Variants in GOLGA8A observed in about 807,000 individuals in gnomAD.
The protein encoded by GOLGA8A is golgin subfamily A member 8A.
GOLGA8A carries 3 observed loss-of-function variants against 22.1 expected under a neutral mutation model. The ratio of observed to expected loss-of-function variants is 0.14; its 90% CI spans 0.06 to 0.35. The LOEUF is 0.35. Ranked by LOEUF, GOLGA8A falls within the 10% of genes least tolerant of loss-of-function variation. The pLI is 1.00. For synonymous variants in GOLGA8A, 7 were observed against 91.7 expected, an observed-to-expected ratio of 0.08 and a Z score of 5.28; for missense variants, 16 against 233.2, an observed-to-expected ratio of 0.07 and a Z score of 6.07.
In GOLGA8A at chr15:34,427,386, A is replaced by G. The variant is rs556303744; in HGVS notation, c.-1123+7997T>C. On this transcript the variant is annotated intron_variant, in intron 2 of 24. Transcript: ENST00000359187. Reference sequence around the variant, plus strand: ...AAGTTCCCAAGGAATTTGCTTCCACACATAGAAAATAATCGAGTCCGTTTT... The same window carrying G: ...AAGTTCCCAAGGAATTTGCTTCCACGCATAGAAAATAATCGAGTCCGTTTT... 1.8e-3 allele frequency among the ~76,000 whole-genome samples: 269 copies of G among 147,976 alleles called. 19 individuals carry two copies. Among genetic ancestry groups the G allele is most frequent in the African/African-American group, 6.3e-3 (253 of 40,080 alleles).
At chr15:34,432,179 T>G (rs1967143) in intron 2 of GOLGA8A, among the ~76,000 whole-genome samples, 13,967 of 148,958 alleles carry the variant, frequency 0.094, 1,724 homozygotes, top group South Asian at 0.25. Flanking sequence ...CCTGGAGGGC[T>G]AGCTCCCAGA....
chr15:34,436,118 G>A (rs1663408789), intron 1 of GOLGA8A, among the ~76,000 whole-genome samples: 2 of 148,796 alleles, frequency 1.3e-5, no homozygotes, highest in Admixed American at 1.4e-4. Flanking sequence ...TGGGAGGGGA[G>A]AAACCCCTGC....
intron 2 of GOLGA8A, among the ~76,000 whole-genome samples, chr15:34,428,196 C>T (rs1217186218): frequency 9.5e-5 from 14 of 146,982 alleles, no homozygotes; most frequent in South Asian, 2.3e-4. Flanking sequence ...TGGGCTTAAG[C>T]GATCCTCCCA....
chr15:34,400,791 C>T (rs1428943592), intron 5 of GOLGA8A, 32 bp from the exon 6 acceptor site: 8 of 145,496 alleles, frequency 5.5e-5, no homozygotes, highest in Non-Finnish European at 1.2e-4. Context: ...AAAATACTGA[C>T]ATTAGGGTCA....
chr15:34,428,148 C>A (rs1893065683), intron 2 of GOLGA8A, among the ~76,000 whole-genome samples: 1 of 145,316 alleles, frequency 6.9e-6, no homozygotes, highest in Non-Finnish European at 1.5e-5. Context: ...CAGGGGAGGG[C>A]AGTGACACCC....
At chr15:34,433,446 A>C (rs1241426853) in intron 2 of GOLGA8A, among the ~76,000 whole-genome samples, 1 of 149,364 alleles carries the variant, frequency 6.7e-6, no homozygotes, top group Non-Finnish European at 1.5e-5. Flanking sequence ...GTGCACAGTA[A>C]GAAAGCTCAT....
In GOLGA8A at chr15:34,437,474, CCG is replaced by C. The variant is rs1893597824; in HGVS notation, c.-1290_-1289del. 8.5e-6 allele frequency: 1 copy of C among 117,968 alleles called. No individual in the cohort carries two copies. Among genetic ancestry groups the C allele is most frequent in the Non-Finnish European group, 1.8e-5 (1 of 54,668 alleles). The allele number at this position is 117,968 out of a possible 1,614,324, so 7.3% of individuals were successfully genotyped here. On this transcript the variant is annotated 5_prime_UTR_variant, in exon 1 of 25. Transcript: ENST00000359187. ...CGTCCTCGCCGCGCCGCCGTCCTCG[CCG>C]CGCCGCCGTCCTCGCCGCGCCGCCG...
In GOLGA8A at chr15:34,437,426, CG is replaced by C. The variant is rs1193423709; in HGVS notation, c.-1241del. 1 of 140,024 alleles carries C rather than the reference CG, an allele frequency of 7.1e-6. No individual in the cohort carries two copies. The highest frequency in any genetic ancestry group is 2.6e-5 in the African/African-American group (1 of 38,422). The allele number at this position is 140,024 out of a possible 1,614,324, so 8.7% of individuals were successfully genotyped here. ...GCCAGGGCGCGGGGCTGCCCCGGTC[CG>C]CCGCCGTCCTCGCCGCGCCGCCGTC... On this transcript the variant is annotated 5_prime_UTR_variant, in exon 1 of 25. Coordinates refer to ENST00000359187, the MANE Select transcript of GOLGA8A (RefSeq NM_181077.5).
chr15:34,433,489 T>C (rs1893347816), intron 2 of GOLGA8A, among the ~76,000 whole-genome samples: 1 of 149,274 alleles, frequency 6.7e-6, no homozygotes, highest in Non-Finnish European at 1.5e-5. Flanking sequence ...AAACACGTTC[T>C]CCTCTGGCCT....
rs981120656 is a variant in GOLGA8A at position 34,433,651 on chromosome 15, C to T, written c.-1123+1732G>A. Among the ~76,000 whole-genome samples the T allele has an allele frequency of 1.0e-4, 15 of 149,170 alleles. 1 individual carries two copies. In the Middle Eastern group the frequency reaches 0.014, roughly 135 times the overall value. On this transcript the variant is annotated intron_variant, in intron 2 of 24. Transcript: ENST00000359187. ...GGAAAAGGAGGCACAGGCAGCAGGA[C>T]ATGTGCTGCAAGGAGACTACTGCTC...
rs535371578 is a variant in GOLGA8A at position 34,424,511 on chromosome 15, TA to T, written c.-1123+10871del. On this transcript the variant is annotated intron_variant, in intron 2 of 24. Coordinates refer to ENST00000359187, the MANE Select transcript of GOLGA8A (RefSeq NM_181077.5). ...AAGGTGGGCAGGCAGTCCACAAATT[TA>T]AAAGGCAACAACTTTTCTACAGACC... 1.1e-4 allele frequency among the ~76,000 whole-genome samples: 16 copies of T among 146,732 alleles called. No homozygotes were observed. In the South Asian group the frequency reaches 3.7e-3, roughly 34 times the overall value.
chr15:34,416,260 T>C (rs1201819767), intron 2 of GOLGA8A: 5 of 150,950 alleles, frequency 3.3e-5, no homozygotes, highest in Non-Finnish European at 5.9e-5. Context: ...TTACTCCTTA[T>C]TCATATTTTA....
chr15:34,433,223 G>C (rs1230667294), intron 2 of GOLGA8A, among the ~76,000 whole-genome samples: 1 of 149,050 alleles, frequency 6.7e-6, no homozygotes, highest in Non-Finnish European at 1.5e-5. Flanking sequence ...AAGCAGAGTG[G>C]CTGAGAGCCC....
rs1315544156 is a variant in GOLGA8A, at chr15:34,379,423, T to A, written c.*1988A>T. 6.6e-6 allele frequency: 1 copy of A among 152,586 alleles called. No individual in the cohort carries two copies. The highest frequency in any genetic ancestry group is 1.5e-5 in the Non-Finnish European group (1 of 68,042). 9.5% of individuals were successfully genotyped at this position (152,586 alleles called of 1,614,324 possible). On this transcript the variant is annotated 3_prime_UTR_variant, in exon 25 of 25. Transcript: ENST00000359187. ...CCATGGGCTAGAAATCATACGACTG[T>A]TAATTAGCCGCATTATTTGGTCTAA...
chr15:34,433,211 G>A (rs74202127), intron 2 of GOLGA8A, among the ~76,000 whole-genome samples: 2 of 149,058 alleles, frequency 1.3e-5, no homozygotes, highest in African/African-American at 5.0e-5. Flanking sequence ...TTCTGGAAGG[G>A]AAAGCAGAGT....
chr15:34,431,345 A>ATCTCTCTCTCTCTC (rs1232402619), intron 2 of GOLGA8A, among the ~76,000 whole-genome samples: 10 of 130,468 alleles, frequency 7.7e-5, no homozygotes, highest in Admixed American at 2.4e-4. Context: ...ATATATATAT[A>ATCTCTCTCTCTCTC]TCTCACACAC....
chr15:34,416,130 A>G (rs1385958948), intron 2 of GOLGA8A: 2 of 152,044 alleles, frequency 1.3e-5, no homozygotes, highest in African/African-American at 4.8e-5. Context: ...GAAGTCTCGG[A>G]GCCAACCTTG....
intron 4 of GOLGA8A, among the ~76,000 whole-genome samples, chr15:34,405,933 T>C (rs1201147351): frequency 7.3e-6 from 1 of 136,238 alleles, no homozygotes; most frequent in Non-Finnish European, 1.6e-5. Flanking sequence ...AGTGGGGAAG[T>C]CCAGATTGGG....
chr15:34,422,637 G>A (rs1892829943), intron 2 of GOLGA8A, among the ~76,000 whole-genome samples: 1 of 70,088 alleles, frequency 1.4e-5, no homozygotes, highest in Admixed American at 2.1e-4. Flanking sequence ...ATAGGCCCCA[G>A]AGTCAGAAGG....
Sources: gnomAD v4.1 joint callset for allele counts (sites outside exome capture counted in the v4.1 genomes callset) on GRCh38, gnomAD v4.1.1 for gene constraint, MANE v1.5 for transcripts, NCBI Gene and HGNC (gene_info 2026-07-23, HGNC 2026-07-21) for gene names.